The following EEA1 variants were observed in gnomAD, a reference collection of about 807,000 sequenced individuals.
EEA1 encodes early endosome antigen 1, 162kD.
Under a neutral mutation model 209.2 loss-of-function variants are expected in EEA1, and 111 were observed. That is an observed-to-expected ratio of 0.53 (90% confidence interval 0.45 to 0.62). The LOEUF (loss-of-function observed/expected upper bound fraction) is 0.62, where lower values mean the gene tolerates loss of function less well. Among genes scored for constraint, EEA1 ranks in the 20% least tolerant of loss-of-function variants. EEA1 has a pLI of 0.00. For missense variants in EEA1, 1,343 were observed against 1,530.8 expected (o/e 0.88, Z 2.05); for synonymous variants, 536 against 540.6 (o/e 0.99, Z 0.12).
rs1464094989 is a variant in EEA1, at chr12:92,864,975, G to T, written c.130C>A (p.Pro44Thr). The change falls in exon 3 of 29, where the codon CCC (proline) becomes ACC (threonine). Residue 44 changes from proline to threonine, a missense_variant. Pro to Thr is a conservative substitution (Grantham distance 38). This residue lies in a region of EEA1 where 1,307 missense variants were observed against 1,465.5 expected (regional missense o/e 0.89). Transcript: ENST00000322349. Reference protein sequence around the residue: ...NESSSEGFICPQCMKSLGSAD... With the variant: ...NESSSEGFICTQCMKSLGSAD... ...GATCCAAGAGATTTCATACACTGGG[G>T]ACATATGAAACCCTATAGAAAGGGG... 1 of 1,603,438 alleles carries T rather than the reference G, an allele frequency of 6.2e-7. No homozygotes were observed. Among genetic ancestry groups the T allele is most frequent in the Non-Finnish European group, 8.5e-7 (1 of 1,175,704 alleles).
intron 1 of EEA1, chr12:92,895,254 C>T (rs1332034334): frequency 6.7e-6 from 1 of 150,192 alleles, no homozygotes; most frequent in Non-Finnish European, 1.5e-5. Flanking sequence ...CTCCCAAGTA[C>T]ATGCCATTCT....
chr12:92,816,128 G>C, intron 15 of EEA1, 72 bp downstream of exon 15: 1 of 1,357,962 alleles, frequency 7.4e-7, no homozygotes, highest in Non-Finnish European at 1.0e-6. Context: ...GGTAAAAAGA[G>C]ATAGAAACAG....
At chr12:92,818,654 GCTTT>G (rs1875907650) in intron 14 of EEA1, among the ~76,000 whole-genome samples, 1 of 151,950 alleles carries the variant, frequency 6.6e-6, no homozygotes, top group Admixed American at 6.6e-5. Context: ...AAGTGATATG[GCTTT>G]CTGATACTTT....
rs35352937 is a variant in EEA1, at chr12:92,902,936, C to CT, written c.25-11216dup. 6.6e-3 allele frequency among the ~76,000 whole-genome samples: 899 copies of CT among 136,614 alleles called. 8 individuals carry two copies. The highest frequency in any genetic ancestry group is 0.016 in the African/African-American group (588 of 37,286). The allele number at this position is 136,614 out of a possible 152,430, so 89.6% of individuals were successfully genotyped here. A position where few individuals can be genotyped will look rare whatever the true frequency, so the allele number is the denominator to read the frequency against. On this transcript the variant is annotated intron_variant, in intron 1 of 28. Transcript: ENST00000322349. ...AACTACGACGTAACTGTTCAACAGTCTTTTTTTTTTTTTTTTGAGACGGAG... is the reference window on the plus strand; with the variant it reads ...AACTACGACGTAACTGTTCAACAGTCTTTTTTTTTTTTTTTTTGAGACGGAG...
At chr12:92,850,617 G>A (rs1052546230) in intron 9 of EEA1, among the ~76,000 whole-genome samples, 1 of 148,674 alleles carries the variant, frequency 6.7e-6, no homozygotes, top group Non-Finnish European at 1.5e-5. Context: ...TTGAACCCGG[G>A]AGGTGGATGT....
At chr12:92,838,218 A>C (rs1250194289) in intron 10 of EEA1, among the ~76,000 whole-genome samples, 2 of 152,240 alleles carry the variant, frequency 1.3e-5, no homozygotes, top group African/African-American at 4.8e-5. Context: ...AATAATGTGC[A>C]CGTGTGAATA....
At chr12:92,814,459 T>C (rs1269754015) in intron 15 of EEA1, among the ~76,000 whole-genome samples, 9 of 152,198 alleles carry the variant, frequency 5.9e-5, no homozygotes, top group Non-Finnish European at 1.3e-4. Flanking sequence ...CATATGATAA[T>C]CACTCATGAT....
At chr12:92,887,485 A>AAAC (rs888682909) in intron 2 of EEA1, among the ~76,000 whole-genome samples, 32 of 151,952 alleles carry the variant, frequency 2.1e-4, no homozygotes, top group Non-Finnish European at 3.8e-4. Context: ...TCTCTACCAA[A>AAAC]AACAACAACA....
At chr12:92,809,690 A>G (rs565819917) in intron 17 of EEA1, among the ~76,000 whole-genome samples, 15 of 150,882 alleles carry the variant, frequency 9.9e-5, no homozygotes, top group Non-Finnish European at 1.6e-4. Flanking sequence ...ATGAGACTCC[A>G]TCTCAAAAAA....
intron 9 of EEA1, among the ~76,000 whole-genome samples, chr12:92,847,280 T>C (rs1428479789): frequency 6.6e-6 from 1 of 152,208 alleles, no homozygotes; most frequent in Non-Finnish European, 1.5e-5. Context: ...TTAGCTTCTT[T>C]AATTCCTTTG....
chr12:92,832,415 T>A, intron 11 of EEA1, 97 bp downstream of exon 11: 2 of 1,173,516 alleles, frequency 1.7e-6, no homozygotes, highest in Non-Finnish European at 2.4e-6. Flanking sequence ...ATGACAATAT[T>A]TTTTCAACAT....
At chr12:92,832,321 A>C (rs1170219269) in intron 11 of EEA1, among the ~76,000 whole-genome samples, 191 bp downstream of exon 11, 1 of 152,180 alleles carries the variant, frequency 6.6e-6, no homozygotes, top group African/African-American at 2.4e-5. Context: ...TGGATATTAT[A>C]ATTTTTTTAA....
intron 3 of EEA1, chr12:92,858,224 A>G (rs1371096432): frequency 1.4e-6 from 1 of 715,018 alleles, no homozygotes. Context: ...ACCTTCAACA[A>G]AATCCTGATG....
At chr12:92,806,772 T>C (rs949722997) in intron 18 of EEA1, among the ~76,000 whole-genome samples, 1 of 152,156 alleles carries the variant, frequency 6.6e-6, no homozygotes, top group Non-Finnish European at 1.5e-5. Context: ...TAATACAGCA[T>C]GGTCAAGTTA....
intron 24 of EEA1, among the ~76,000 whole-genome samples, 172 bp downstream of exon 24, chr12:92,780,108 G>A (rs1592697965): frequency 6.6e-6 from 1 of 151,982 alleles, no homozygotes. Flanking sequence ...ATATGTGTAC[G>A]GGTATTATGC....
intron 20 of EEA1, 133 bp from the exon 21 acceptor site, chr12:92,799,219 C>G: frequency 4.4e-6 from 3 of 680,460 alleles, no homozygotes; most frequent in Middle Eastern, 4.4e-4. Context: ...AACTACTACA[C>G]TCCAGGCACT....
chr12:92,879,158 A>C, intron 2 of EEA1: 1 of 313,668 alleles, frequency 3.2e-6, no homozygotes, highest in Non-Finnish European at 6.1e-6. Context: ...ATACAGGCTG[A>C]GCACCCATTA....
chr12:92,873,831 A>G (rs1878757181), intron 2 of EEA1, among the ~76,000 whole-genome samples: 1 of 152,252 alleles, frequency 6.6e-6, no homozygotes, highest in African/African-American at 2.4e-5. Context: ...TACCTGGTAC[A>G]AAGAAAACAT....
Position 92,827,900 on chromosome 12 carries a change from A to G in EEA1, c.1404+12T>C, listed in dbSNP as rs1277509353. ...CCTCAAGCCTATCAATAAATTGAAAATGCTAGCTTACCTGCTCTTCTAACC... is the reference window on the plus strand; with the variant it reads ...CCTCAAGCCTATCAATAAATTGAAAGTGCTAGCTTACCTGCTCTTCTAACC... On this transcript the variant is annotated intron_variant, in intron 12 of 28. Transcript: ENST00000322349. The G allele has an allele frequency of 2.0e-6, 3 of 1,537,948 alleles. No homozygotes were observed. The highest frequency in any genetic ancestry group is 1.7e-4 in the Middle Eastern group (1 of 5,804).
Sources: allele counts gnomAD v4.1 joint callset (sites outside exome capture counted in the v4.1 genomes callset), GRCh38; gene constraint gnomAD v4.1.1; regional missense constraint gnomAD v4.1.1; transcripts MANE v1.5; gene names NCBI Gene and HGNC (gene_info 2026-07-23, HGNC 2026-07-21).